HSD17B2: variants seen among roughly 807,000 people sequenced by gnomAD.
The protein encoded by HSD17B2 is hydroxysteroid 17-beta dehydrogenase 2, also known as 17-beta-hydroxysteroid dehydrogenase type 2.
In HSD17B2, 32 loss-of-function variants were observed where a neutral mutation model predicts 26.9. The observed-to-expected ratio is 1.19, with a 90% CI of 0.90 to 1.60. HSD17B2 has a LOEUF of 1.60. Ranked by LOEUF, HSD17B2 falls within the 40% of genes most tolerant of loss-of-function variation. The probability of loss-of-function intolerance (pLI) is 0.00; values close to 1 mark genes in which losing one functional copy is unlikely to be tolerated. For missense variants in HSD17B2, 613 were observed against 468.6 expected (o/e 1.31, Z -2.85); for synonymous variants, 246 against 186.7 (o/e 1.32, Z -2.59).
At chr16:82,083,252 T>C (rs1162615803) in intron 3 of HSD17B2, among the ~76,000 whole-genome samples, 1 of 152,162 alleles carries the variant, frequency 6.6e-6, no homozygotes, top group Non-Finnish European at 1.5e-5. Flanking sequence ...GAGTCAACCA[T>C]GTCCTTCCCT....
At chr16:82,089,157 G>C (rs963825728) in intron 3 of HSD17B2, among the ~76,000 whole-genome samples, 2 of 152,144 alleles carry the variant, frequency 1.3e-5, no homozygotes, top group African/African-American at 4.8e-5. Flanking sequence ...GGTAACCACT[G>C]ATCTGTTTTA....
chr16:82,095,314 G>A (rs1359420062), intron 4 of HSD17B2: 1 of 152,180 alleles, frequency 6.6e-6, no homozygotes, highest in African/African-American at 2.4e-5. Context: ...AAAGAAAGGA[G>A]CAATTGAAAC....
At position 82,059,968 on chromosome 16, in the gene HSD17B2, C is replaced by T. The variant is rs370476122; in HGVS notation, c.266-8202C>T. Among the ~76,000 whole-genome samples, 6 of 152,092 alleles carry T rather than the reference C, an allele frequency of 3.9e-5. No individual in the cohort carries two copies. The East Asian group carries it at 9.6e-4, about 24-fold the overall frequency. ...TAGCTATTTCCCAAGGCCTCCTCAC[C>T]CGACAACTGTTATCCGTTAAGAATG... On this transcript the variant is annotated intron_variant, in intron 1 of 4. Transcript: ENST00000199936.
intron 3 of HSD17B2, 69 bp downstream of exon 3, chr16:82,071,196 G>C (rs1914690911): frequency 1.3e-6 from 2 of 1,485,410 alleles, no homozygotes; most frequent in Non-Finnish European, 1.9e-6. Flanking sequence ...CATTCTATGT[G>C]GGCGAACAAA....
intron 4 of HSD17B2, chr16:82,094,359 C>A (rs1904777670): frequency 6.6e-6 from 1 of 152,224 alleles, no homozygotes; most frequent in Admixed American, 6.5e-5. Flanking sequence ...TATACCTCTA[C>A]CCTTTCTATG....
chr16:82,083,984 C>T (rs1904450434), intron 3 of HSD17B2, among the ~76,000 whole-genome samples: 1 of 152,176 alleles, frequency 6.6e-6, no homozygotes, highest in Admixed American at 6.5e-5. Flanking sequence ...CCTAAAGTCG[C>T]CAGTTTTGCT....
chr16:82,035,716 C>T, intron 1 of HSD17B2, 27 bp downstream of exon 1: 1 of 1,606,550 alleles, frequency 6.2e-7, no homozygotes, highest in Non-Finnish European at 8.5e-7. Flanking sequence ...ACAATTTTCA[C>T]TGAGGGTATG....
At chr16:82,068,549 C>A (rs960903792) in intron 2 of HSD17B2, among the ~76,000 whole-genome samples, 167 bp downstream of exon 2, 1 of 152,098 alleles carries the variant, frequency 6.6e-6, no homozygotes, top group East Asian at 1.9e-4. Context: ...AACATGAAGA[C>A]CTTCGGAGTA....
chr16:82,061,901 T>C (rs1335894940), intron 1 of HSD17B2, among the ~76,000 whole-genome samples: 1 of 152,242 alleles, frequency 6.6e-6, no homozygotes, highest in Admixed American at 6.5e-5. Context: ...ACAGTGCTTG[T>C]GTTCCAGGGC....
intron 3 of HSD17B2, chr16:82,071,489 C>T (rs1402662928): frequency 2.7e-6 from 1 of 364,518 alleles, no homozygotes; most frequent in African/African-American, 2.1e-5. Context: ...GTCAATTTAA[C>T]ACACTGTGTT....
chr16:82,038,909 C>T (rs993584361), intron 1 of HSD17B2, among the ~76,000 whole-genome samples: 1 of 152,114 alleles, frequency 6.6e-6, no homozygotes, highest in African/African-American at 2.4e-5. Context: ...GAGCTGTAGT[C>T]TTTATGCCTT....
intron 3 of HSD17B2, among the ~76,000 whole-genome samples, chr16:82,085,224 G>T (rs1285477724): frequency 6.6e-6 from 1 of 152,142 alleles, no homozygotes; most frequent in Non-Finnish European, 1.5e-5. Flanking sequence ...AAGTCATTCA[G>T]CCAGTCTCTC....
chr16:82,049,068 C>T (rs543624976), intron 1 of HSD17B2, among the ~76,000 whole-genome samples: 46 of 152,216 alleles, frequency 3.0e-4, no homozygotes, highest in Non-Finnish European at 6.2e-4. Context: ...AATTACATCT[C>T]TCCTGTTTAT....
At chr16:82,070,769 T>C in intron 2 of HSD17B2, 173 bp from the exon 3 acceptor site, 2 of 601,746 alleles carry the variant, frequency 3.3e-6, no homozygotes, top group Non-Finnish European at 5.9e-6. Context: ...GGAATTCCCC[T>C]CCCACTCCCA....
intron 4 of HSD17B2, chr16:82,093,071 T>G (rs868270268): frequency 6.6e-6 from 1 of 152,200 alleles, no homozygotes; most frequent in African/African-American, 2.4e-5. Context: ...TTGATCTTAA[T>G]TTTTAAAATC....
At chr16:82,081,171 G>A (rs930490893) in intron 3 of HSD17B2, among the ~76,000 whole-genome samples, 1 of 152,192 alleles carries the variant, frequency 6.6e-6, no homozygotes, top group African/African-American at 2.4e-5. Context: ...TGGAAGGCAA[G>A]AGGTGTGCAG....
Position 82,070,968 on chromosome 16 carries a change from G to T in HSD17B2, c.505G>T (p.Gly169Trp). Residue 169 changes from glycine to tryptophan, a missense_variant, in exon 3 of 5, where the codon GGG (glycine) becomes TGG (tryptophan). Coordinates refer to ENST00000199936, the MANE Select transcript of HSD17B2 (RefSeq NM_002153.3). ...ACTGTGGGCTGTGATCAACAATGCT[G>T]GGGTGCTTGGCTTTCCAACTGATGG... is the stretch of plus-strand genomic sequence containing the variant. Reference protein sequence around the residue: ...RGLWAVINNAGVLGFPTDGEL... With the variant: ...RGLWAVINNAWVLGFPTDGEL... 1.9e-6 allele frequency: 3 copies of T among 1,614,124 alleles called. No individual in the cohort carries two copies. The highest frequency in any genetic ancestry group is 2.5e-6 in the Non-Finnish European group (3 of 1,179,966).
intron 3 of HSD17B2, among the ~76,000 whole-genome samples, chr16:82,072,226 G>C (rs1914714436): frequency 1.3e-5 from 2 of 152,200 alleles, no homozygotes; most frequent in Non-Finnish European, 2.9e-5. Flanking sequence ...GAGAGAGAGA[G>C]AGAAAGAGTT....
At chr16:82,065,448 A>T (rs138767798) in intron 1 of HSD17B2, among the ~76,000 whole-genome samples, 270 of 152,210 alleles carry the variant, frequency 1.8e-3, no homozygotes, top group African/African-American at 6.3e-3. Context: ...GATATCACAC[A>T]AGCCTCTAGG....
Sources: gnomAD v4.1 joint callset for allele counts (sites outside exome capture counted in the v4.1 genomes callset) on GRCh38, gnomAD v4.1.1 for gene constraint, MANE v1.5 for transcripts, NCBI Gene and HGNC (gene_info 2026-07-23, HGNC 2026-07-21) for gene names.